Variants in SUGCT observed in about 807,000 individuals in gnomAD.
SUGCT encodes the protein succinyl-CoA:glutarate CoA-transferase.
SUGCT carries 41 observed loss-of-function variants against 55.0 expected under a neutral mutation model. The observed-to-expected ratio is 0.74, with a 90% CI of 0.58 to 0.97. The LOEUF (loss-of-function observed/expected upper bound fraction) is 0.97. SUGCT is among the 50% of genes least tolerant of loss of function. The pLI is 0.00. For synonymous variants in SUGCT, 187 were observed against 200.4 expected, an observed-to-expected ratio of 0.93 and a Z score of 0.56; for missense variants, 568 against 547.8, an observed-to-expected ratio of 1.04 and a Z score of -0.37.
intron 9 of SUGCT, among the ~76,000 whole-genome samples, chr7:40,350,113 A>G (rs1202940377): frequency 1.3e-5 from 2 of 152,018 alleles, no homozygotes; most frequent in Non-Finnish European, 2.9e-5. Context: ...TTCTGCTATA[A>G]TATCCTTTAT....
At chr7:40,847,711 G>A (rs1426182265) in intron 13 of SUGCT, among the ~76,000 whole-genome samples, 2 of 151,836 alleles carry the variant, frequency 1.3e-5, no homozygotes, top group Non-Finnish European at 2.9e-5. Context: ...CACCACATCC[G>A]GCCCACATTT....
chr7:40,529,986 T>C (rs565565254), intron 12 of SUGCT, among the ~76,000 whole-genome samples: 21 of 152,282 alleles, frequency 1.4e-4, no homozygotes, highest in Non-Finnish European at 2.8e-4. Flanking sequence ...CCCTAGAGTG[T>C]CAGTACCTGA....
intron 6 of SUGCT, among the ~76,000 whole-genome samples, chr7:40,210,833 G>A (rs758065709): frequency 3.9e-5 from 6 of 152,178 alleles, no homozygotes; most frequent in Non-Finnish European, 7.3e-5. Context: ...ATTGGAATGA[G>A]TTAGGGTGGA....
chr7:40,435,550 A>C (rs1254828583), intron 9 of SUGCT, among the ~76,000 whole-genome samples: 1 of 152,130 alleles, frequency 6.6e-6, no homozygotes, highest in Non-Finnish European at 1.5e-5. Context: ...ACTGTCTTAG[A>C]CGCTTAACTA....
At chr7:41,018,213 C>A in the SUGCT span, among the ~76,000 whole-genome samples, 1 of 151,990 alleles carries the variant, frequency 6.6e-6, no homozygotes, top group African/African-American at 2.4e-5. Context: ...GAATGCATGA[C>A]CAAGTCATAG....
At chr7:40,415,875 A>T (rs1297945712) in intron 9 of SUGCT, among the ~76,000 whole-genome samples, 1 of 152,094 alleles carries the variant, frequency 6.6e-6, no homozygotes, top group East Asian at 1.9e-4. Flanking sequence ...AGATTCTGTT[A>T]TAGTGAGTTT....
At chr7:40,497,856 AT>A (rs1442069085) in intron 12 of SUGCT, among the ~76,000 whole-genome samples, 1 of 151,712 alleles carries the variant, frequency 6.6e-6, no homozygotes, top group Non-Finnish European at 1.5e-5. Flanking sequence ...TTTTTAAATA[AT>A]TATATTATTT....
intron 13 of SUGCT, among the ~76,000 whole-genome samples, chr7:40,856,560 G>A (rs1374680134): frequency 6.6e-6 from 1 of 151,168 alleles, no homozygotes; most frequent in Non-Finnish European, 1.5e-5. Context: ...GAAGCAATGA[G>A]CAGACAGAAA....
At chr7:40,465,178 A>G (rs1348124893) in intron 11 of SUGCT, among the ~76,000 whole-genome samples, 1 of 152,222 alleles carries the variant, frequency 6.6e-6, no homozygotes, top group Non-Finnish European at 1.5e-5. Flanking sequence ...TATTTCTTAA[A>G]TTAAGTTTTT....
chr7:40,304,048 CAAAA>C (rs529987357), intron 8 of SUGCT, among the ~76,000 whole-genome samples: 71 of 61,580 alleles, frequency 1.2e-3, no homozygotes, highest in Middle Eastern at 0.02. Flanking sequence ...GACTCCATCT[CAAAA>C]AAAAAAAAAA....
intron 11 of SUGCT, among the ~76,000 whole-genome samples, chr7:40,464,938 TTATC>T (rs1790019897): frequency 6.6e-6 from 1 of 152,214 alleles, no homozygotes; most frequent in African/African-American, 2.4e-5. Context: ...AAGTTAAGGA[TTATC>T]TATAGTTTGG....
intron 8 of SUGCT, among the ~76,000 whole-genome samples, chr7:40,285,485 CT>C (rs933722315): frequency 1.9e-5 from 2 of 106,656 alleles, no homozygotes; most frequent in African/African-American, 9.2e-5. Flanking sequence ...TTGTTTTTTT[CT>C]TTTTTCGGGG....
intron 12 of SUGCT, among the ~76,000 whole-genome samples, chr7:40,511,815 C>T (rs578150534): frequency 6.6e-6 from 1 of 152,076 alleles, no homozygotes; most frequent in Non-Finnish European, 1.5e-5. Flanking sequence ...TTATTGATTA[C>T]AATAATCCTC....
At chr7:40,759,223 T>C (rs1043640730) in intron 13 of SUGCT, among the ~76,000 whole-genome samples, 2 of 152,202 alleles carry the variant, frequency 1.3e-5, no homozygotes, top group Non-Finnish European at 2.9e-5. Flanking sequence ...CTTGTTTTCT[T>C]GTTCTAATGG....
chr7:40,349,299 C>T (rs991668757), intron 9 of SUGCT, among the ~76,000 whole-genome samples: 4 of 152,078 alleles, frequency 2.6e-5, no homozygotes, highest in Non-Finnish European at 5.9e-5. Flanking sequence ...ATTTTTCCTT[C>T]CCTTTTGATA....
intron 12 of SUGCT, among the ~76,000 whole-genome samples, chr7:40,705,325 G>A (rs890578864): frequency 2.6e-5 from 4 of 152,166 alleles, no homozygotes; most frequent in Non-Finnish European, 4.4e-5. Flanking sequence ...ATTATGTCAT[G>A]CCATTTCATC....
At chr7:40,316,574 A>G (rs1214679109) in intron 8 of SUGCT, among the ~76,000 whole-genome samples, 186 bp from the exon 9 acceptor site, 2 of 152,172 alleles carry the variant, frequency 1.3e-5, no homozygotes, top group Non-Finnish European at 2.9e-5. Context: ...GTCTCATGCA[A>G]TAGTGTAATG....
At chr7:40,293,687 GAA>G in intron 8 of SUGCT, among the ~76,000 whole-genome samples, 1 of 152,322 alleles carries the variant, frequency 6.6e-6, no homozygotes, top group South Asian at 2.1e-4. Flanking sequence ...AATTTAAAAA[GAA>G]AGTGTGTTTT....
intron 9 of SUGCT, among the ~76,000 whole-genome samples, chr7:40,443,668 A>T (rs866598495): frequency 6.6e-6 from 1 of 152,142 alleles, no homozygotes; most frequent in African/African-American, 2.4e-5. Context: ...CCCATTGTGT[A>T]GGTTGCCTGT....
Sources: allele counts gnomAD v4.1 joint callset (sites outside exome capture counted in the v4.1 genomes callset), GRCh38; gene constraint gnomAD v4.1.1; transcripts MANE v1.5; gene names NCBI Gene and HGNC (gene_info 2026-07-23, HGNC 2026-07-21).